Variants in ZSWIM4 observed in about 807,000 individuals in gnomAD.
The protein encoded by ZSWIM4 is zinc finger SWIM domain-containing protein 4.
ZSWIM4 carries 62 observed loss-of-function variants against 102.5 expected under a neutral mutation model. The ratio of observed to expected loss-of-function variants is 0.60; its 90% confidence interval spans 0.49 to 0.75. ZSWIM4 has a LOEUF of 0.75. Among genes scored for constraint, ZSWIM4 ranks in the 30% least tolerant of loss-of-function variants. ZSWIM4 has a pLI of 0.00. For synonymous variants in ZSWIM4, 652 were observed against 674.5 expected, an observed-to-expected ratio of 0.97 and a Z score of 0.52; for missense variants, 1,280 against 1,529.6, an observed-to-expected ratio of 0.84 and a Z score of 2.72.
At chr19:13,814,177 C>T (rs1975196431) in intron 6 of ZSWIM4, among the ~76,000 whole-genome samples, 2 of 151,600 alleles carry the variant, frequency 1.3e-5, no homozygotes, top group African/African-American at 4.8e-5. Flanking sequence ...ATTCCTCAGC[C>T]TCCCAAGTAG....
chr19:13,811,456 G>A (rs1415261028), intron 5 of ZSWIM4, among the ~76,000 whole-genome samples: 1 of 151,940 alleles, frequency 6.6e-6, no homozygotes, highest in Non-Finnish European at 1.5e-5. Flanking sequence ...CTTGGGCCCC[G>A]GAGGTTGAGG....
intron 10 of ZSWIM4, 55 bp downstream of exon 10, chr19:13,819,547 G>A: frequency 1.4e-6 from 2 of 1,420,006 alleles, no homozygotes; most frequent in Non-Finnish European, 1.9e-6. Flanking sequence ...AGAGGGGCGG[G>A]CATGGGGGGT....
In ZSWIM4 at chr19:13,830,488, C is replaced by T; in HGVS notation, c.2759C>T (p.Ala920Val). 6.2e-7 allele frequency: 1 copy of T among 1,601,250 alleles called. No homozygotes were observed. The highest frequency in any genetic ancestry group is 2.2e-5 in the East Asian group (1 of 44,864). ...GCGGCGGCCGGCGGCCTGGGCCACGCCCACCTCTTCACTGTGGCCCGCTAT... is the reference window on the plus strand; with the variant it reads ...GCGGCGGCCGGCGGCCTGGGCCACGTCCACCTCTTCACTGTGGCCCGCTAT... ...LDAAAGGLGH[A>V]HLFTVARYME... is the part of the protein sequence containing the mutation. The change falls in exon 14 of 14, where the codon GCC (alanine) becomes GTC (valine). Residue 920 changes from alanine to valine, a missense_variant. Coordinates refer to ENST00000590508, the MANE Select transcript of ZSWIM4 (RefSeq NM_001367834.3).
chr19:13,807,206 AT>A (rs1974942283), intron 3 of ZSWIM4, among the ~76,000 whole-genome samples: 1 of 152,048 alleles, frequency 6.6e-6, no homozygotes. Flanking sequence ...AGATAGATCA[AT>A]AAGATGAGTA....
At chr19:13,814,012 C>T (rs1975190340) in intron 6 of ZSWIM4, among the ~76,000 whole-genome samples, 1 of 151,184 alleles carries the variant, frequency 6.6e-6, no homozygotes, top group Admixed American at 6.6e-5. Context: ...ACCTCAGTTT[C>T]CTATCAATGT....
At position 13,825,433 on chromosome 19, in the gene ZSWIM4, C is replaced by T. The variant is rs1275337832; in HGVS notation, c.2216-117C>T. The T allele has an allele frequency of 1.6e-6, 2 of 1,263,712 alleles. No homozygotes were observed. The highest frequency in any genetic ancestry group is 3.8e-5 in the Admixed American group (2 of 52,094). 78.3% of individuals were successfully genotyped at this position (1,263,712 alleles called of 1,614,324 possible). On this transcript the variant is annotated intron_variant, in intron 11 of 13. Transcript: ENST00000590508. This position sits in a 1 kb window ranked among gnomAD's most constrained non-coding sequence, Gnocchi z 4.6. ...CAGAACCATGGCCCAGTACACATCCCTCCACACTCACACATGTGCCCCTGG... is the reference window on the plus strand; with the variant it reads ...CAGAACCATGGCCCAGTACACATCCTTCCACACTCACACATGTGCCCCTGG...
chr19:13,795,825 G>A (rs772481307), intron 1 of ZSWIM4, 24 bp downstream of exon 1: 1 of 1,224,986 alleles, frequency 8.2e-7, no homozygotes, highest in Non-Finnish European at 1.0e-6. Flanking sequence ...AAGGGGGCGG[G>A]GGCAGGGACG....
At position 13,808,808 on chromosome 19, in the gene ZSWIM4, T is replaced by TCAG. The variant is rs760941886; in HGVS notation, c.713-26_713-24dup. 3 of 1,425,050 alleles carry TCAG rather than the reference T, an allele frequency of 2.1e-6. No individual in the cohort carries two copies. In the Admixed American group the frequency reaches 6.4e-5, roughly 30 times the overall value. The allele number at this position is 1,425,050 out of a possible 1,614,324, so 88.3% of individuals were successfully genotyped here. A position where few individuals can be genotyped will look rare whatever the true frequency, so the allele number is the denominator to read the frequency against. On this transcript the variant is annotated intron_variant, in intron 3 of 13. Coordinates refer to ENST00000590508, the MANE Select transcript of ZSWIM4 (RefSeq NM_001367834.3). The stretch of plus-strand genomic sequence containing the variant: ...CCCAACCCCAACTCCAGCCCCAGCC[T>TCAG]CAGCTTCCTTTCCCTCCCTCCCGGC...
intron 2 of ZSWIM4, 143 bp downstream of exon 2, chr19:13,800,064 G>T (rs976333576): frequency 9.6e-5 from 40 of 417,098 alleles, no homozygotes; most frequent in African/African-American, 5.3e-4. Context: ...GATTGTACAA[G>T]ATTTTTTTTT....
chr19:13,809,481 A>C lies in ZSWIM4; in HGVS notation c.1012+261A>C, dbSNP rs1250619681. 1.3e-5 allele frequency among the ~76,000 whole-genome samples: 2 copies of C among 152,166 alleles called. No homozygotes were observed. Among genetic ancestry groups the C allele is most frequent in the Non-Finnish European group, 1.5e-5 (1 of 68,014 alleles). Reference sequence around the variant, plus strand: ...TTGGCCCAGGGGTTGATACACACGTACACACGTTTTCTTTGTTTTGAGACA... The same window carrying C: ...TTGGCCCAGGGGTTGATACACACGTCCACACGTTTTCTTTGTTTTGAGACA... On this transcript the variant is annotated intron_variant, in intron 5 of 13. Coordinates refer to ENST00000590508, the MANE Select transcript of ZSWIM4 (RefSeq NM_001367834.3). The surrounding 1 kb of genome is among the most constrained non-coding windows in gnomAD (Gnocchi z 4.2).
chr19:13,818,946 C>T (rs1031050503), intron 9 of ZSWIM4, among the ~76,000 whole-genome samples: 1 of 149,686 alleles, frequency 6.7e-6, no homozygotes, highest in Non-Finnish European at 1.5e-5. Flanking sequence ...TCACTGCACC[C>T]TCCGATCCCG....
Position 13,798,340 on chromosome 19 carries a change from G to T in ZSWIM4, c.154-1380G>T, listed in dbSNP as rs116060858. Among the ~76,000 whole-genome samples the T allele has an allele frequency of 7.8e-3, 1,185 of 152,082 alleles. 14 individuals carry two copies. Among genetic ancestry groups the T allele is most frequent in the African/African-American group, 0.027 (1,115 of 41,478 alleles). On this transcript the variant is annotated intron_variant, in intron 1 of 13. Transcript: ENST00000590508. ...CTGTGTGTGTGTGTGTAGACATGGGGTCTCACTATGTTGCTCACGCTGGTC... is the reference window on the plus strand; with the variant it reads ...CTGTGTGTGTGTGTGTAGACATGGGTTCTCACTATGTTGCTCACGCTGGTC...
Position 13,825,536 on chromosome 19 carries a change from C to T in ZSWIM4, c.2216-14C>T, listed in dbSNP as rs759288313. 52 of 1,612,538 alleles carry T rather than the reference C, an allele frequency of 3.2e-5. No individual in the cohort carries two copies. Among genetic ancestry groups the T allele is most frequent in the Admixed American group, 2.0e-4 (12 of 59,946 alleles). On this transcript the variant is annotated splice_polypyrimidine_tract_variant and intron_variant, in intron 11 of 13. Transcript: ENST00000590508. This position sits in a 1 kb window ranked among gnomAD's most constrained non-coding sequence, Gnocchi z 4.6. Reference sequence around the variant, plus strand: ...GTGTATCCGATGGTGTCCTCTGTCCCGCCCTTCACCCAGGAGACCCCAAGT... The same window carrying T: ...GTGTATCCGATGGTGTCCTCTGTCCTGCCCTTCACCCAGGAGACCCCAAGT...
intron 13 of ZSWIM4, among the ~76,000 whole-genome samples, chr19:13,829,697 C>T (rs1313460579): frequency 1.3e-5 from 2 of 151,032 alleles, no homozygotes; most frequent in Non-Finnish European, 3.0e-5. Flanking sequence ...TGGTGGTGGG[C>T]CCCTGTAGTC....
chr19:13,818,153 T>G (rs1198504322), intron 9 of ZSWIM4, among the ~76,000 whole-genome samples, 177 bp downstream of exon 9: 1 of 150,094 alleles, frequency 6.7e-6, no homozygotes. Flanking sequence ...GAGCCAGCTC[T>G]TTTTCCCGCC....
At chr19:13,807,198 A>C (rs909185757) in intron 3 of ZSWIM4, among the ~76,000 whole-genome samples, 1 of 152,112 alleles carries the variant, frequency 6.6e-6, no homozygotes, top group Non-Finnish European at 1.5e-5. Flanking sequence ...GAGTGGGCAG[A>C]TAGATCAATA....
rs147608508 is a variant in ZSWIM4, at chr19:13,830,264, G to A, written c.2535G>A (p.Val845=). Residue 845 remains valine, a synonymous_variant, in exon 14 of 14, where the codon GTG becomes GTA. Transcript: ENST00000590508. ...LFTPVEAATI[V]AVTGTTHATL... ...CACCAGTGGAGGCGGCTACCATCGT[G>A]GCAGTGACGGGCACCACACACGCCA... 9 of 1,613,964 alleles carry A rather than the reference G, an allele frequency of 5.6e-6. No homozygotes were observed. The African/African-American group carries it at 8.0e-5, about 14-fold the overall frequency.
rs975563613 is a variant in ZSWIM4, at chr19:13,809,701, G to A, written c.1012+481G>A. 6.6e-6 allele frequency among the ~76,000 whole-genome samples: 1 copy of A among 152,144 alleles called. No individual in the cohort carries two copies. The highest frequency in any genetic ancestry group is 2.4e-5 in the African/African-American group (1 of 41,436). On this transcript the variant is annotated intron_variant, in intron 5 of 13. Coordinates refer to ENST00000590508, the MANE Select transcript of ZSWIM4 (RefSeq NM_001367834.3). This position sits in a 1 kb window ranked among gnomAD's most constrained non-coding sequence, Gnocchi z 4.2. ...TCACTATCTTGCCAAGTCTGGTCTTGAACTCCTGGACTCAAGCAGTCCTCT... is the reference window on the plus strand; with the variant it reads ...TCACTATCTTGCCAAGTCTGGTCTTAAACTCCTGGACTCAAGCAGTCCTCT...
chr19:13,819,760 C>T (rs770726350), intron 10 of ZSWIM4, among the ~76,000 whole-genome samples: 3 of 151,852 alleles, frequency 2.0e-5, no homozygotes, highest in Non-Finnish European at 4.4e-5. Flanking sequence ...CCTCCACCTC[C>T]TGGGTTCAAG....
Sources: gnomAD v4.1 joint callset for allele counts (sites outside exome capture counted in the v4.1 genomes callset) on GRCh38, gnomAD v4.1.1 for gene constraint, Gnocchi (gnomAD v3.1) non-coding constraint, MANE v1.5 for transcripts, NCBI Gene and HGNC (gene_info 2026-07-23, HGNC 2026-07-21) for gene names.